TSNAX: variants seen among roughly 807,000 people sequenced by gnomAD.
TSNAX encodes translin-associated protein X.
In TSNAX, 12 loss-of-function variants were observed where a neutral mutation model predicts 33.0. The ratio of observed to expected loss-of-function variants is 0.36; its 90% CI spans 0.23 to 0.59. The LOEUF (loss-of-function observed/expected upper bound fraction) is 0.59, where lower values mean the gene tolerates loss of function less well. TSNAX is among the 20% of genes least tolerant of loss of function. TSNAX has a pLI of 0.74. For synonymous variants in TSNAX, 110 were observed against 117.2 expected (o/e 0.94, Z 0.40); for missense variants, 267 against 341.3 (o/e 0.78, Z 1.72).
rs1200256043 is a variant in TSNAX, at chr1:231,565,876, T to G, written c.*971T>G. 6.6e-6 allele frequency: 1 copy of G among 151,988 alleles called. No individual in the cohort carries two copies. Among genetic ancestry groups the G allele is most frequent in the Non-Finnish European group, 1.5e-5 (1 of 68,020 alleles). 9.4% of individuals were successfully genotyped at this position (151,988 alleles called of 1,614,324 possible). Reference sequence around the variant, plus strand: ...GCCCAGATGTTGCTTTCTCCATTTATTTTTTGTTTTTTTTTAATCACAGTA... The same window carrying G: ...GCCCAGATGTTGCTTTCTCCATTTAGTTTTTGTTTTTTTTTAATCACAGTA... On this transcript the variant is annotated 3_prime_UTR_variant, in exon 6 of 6. Coordinates refer to ENST00000366639, the MANE Select transcript of TSNAX (RefSeq NM_005999.3).
chr1:231,555,371 A>G (rs1302463156), intron 4 of TSNAX, among the ~76,000 whole-genome samples: 1 of 152,142 alleles, frequency 6.6e-6, no homozygotes, highest in Non-Finnish European at 1.5e-5. Context: ...TAGAGACAAG[A>G]AAGTAGAATG....
At chr1:231,528,885 TC>T in intron 1 of TSNAX, 59 bp downstream of exon 1, 1 of 1,608,516 alleles carries the variant, frequency 6.2e-7, no homozygotes, top group Non-Finnish European at 8.5e-7. Context: ...CTCCAGTCTT[TC>T]TATGCAGTTT....
chr1:231,563,810 GT>G, intron 5 of TSNAX, among the ~76,000 whole-genome samples: 1 of 152,108 alleles, frequency 6.6e-6, no homozygotes, highest in Non-Finnish European at 1.5e-5. Flanking sequence ...GTGGTGAAAG[GT>G]TTGAAATTGT....
chr1:231,547,576 A>C (rs1390783478), intron 4 of TSNAX, among the ~76,000 whole-genome samples: 2 of 150,882 alleles, frequency 1.3e-5, no homozygotes, highest in African/African-American at 2.4e-5. Context: ...TTTTTAGTAG[A>C]GGTGGGGTTT....
intron 4 of TSNAX, among the ~76,000 whole-genome samples, chr1:231,553,254 A>C (rs537523912): frequency 6.6e-6 from 1 of 152,326 alleles, no homozygotes; most frequent in South Asian, 2.1e-4. Context: ...TTTTTGATGG[A>C]GATTTGGACT....
chr1:231,547,238 A>G (rs772353826), intron 4 of TSNAX, among the ~76,000 whole-genome samples: 37 of 152,122 alleles, frequency 2.4e-4, no homozygotes, highest in Admixed American at 6.5e-5. Flanking sequence ...CTAATTTTGT[A>G]AATGAGGTGA....
At chr1:231,541,254 A>G (rs1482213051) in intron 3 of TSNAX, among the ~76,000 whole-genome samples, 2 of 152,094 alleles carry the variant, frequency 1.3e-5, no homozygotes, top group Non-Finnish European at 2.9e-5. Context: ...TTCATAATAT[A>G]TATCTTATTG....
intron 4 of TSNAX, among the ~76,000 whole-genome samples, chr1:231,554,273 T>C (rs1660545582): frequency 6.6e-6 from 1 of 152,214 alleles, no homozygotes; most frequent in Non-Finnish European, 1.5e-5. Context: ...TACAACTAGA[T>C]AGTTCTGAAT....
chr1:231,560,520 T>G (rs551070334), intron 4 of TSNAX, among the ~76,000 whole-genome samples: 1 of 145,948 alleles, frequency 6.9e-6, no homozygotes, highest in Admixed American at 7.0e-5. Flanking sequence ...GTTCAAGCGA[T>G]TCTCCTGCCT....
chr1:231,536,301 T>C (rs1474190911), intron 2 of TSNAX: 1 of 152,258 alleles, frequency 6.6e-6, no homozygotes, highest in African/African-American at 2.4e-5. Context: ...ATTATGCTTA[T>C]GTATGCAATA....
intron 4 of TSNAX, among the ~76,000 whole-genome samples, chr1:231,545,138 G>A (rs960911843): frequency 6.6e-6 from 1 of 152,168 alleles, no homozygotes; most frequent in African/African-American, 2.4e-5. Flanking sequence ...AAATTTTGCT[G>A]ACAGATATTT....
chr1:231,558,123 A>C (rs1426880382), intron 4 of TSNAX, among the ~76,000 whole-genome samples: 1 of 152,116 alleles, frequency 6.6e-6, no homozygotes, highest in East Asian at 1.9e-4. Context: ...ATCGGCTGGC[A>C]GAGACATTTG....
At chr1:231,544,194 A>C (rs757443625) in intron 4 of TSNAX, among the ~76,000 whole-genome samples, 1 of 152,208 alleles carries the variant, frequency 6.6e-6, no homozygotes, top group African/African-American at 2.4e-5. Flanking sequence ...GTTTCTGGAA[A>C]GTGCTTGAAC....
rs1311562437 is a variant in TSNAX, at chr1:231,564,744, G to A, written c.712G>A (p.Glu238Lys). The A allele has an allele frequency of 1.9e-6, 3 of 1,614,106 alleles. No homozygotes were observed. The highest frequency in any genetic ancestry group is 2.5e-6 in the Non-Finnish European group (3 of 1,180,022). The change falls in exon 6 of 6, where the codon GAG (glutamate) becomes AAG (lysine). Residue 238 changes from glutamate (E) to lysine (K), a missense_variant. Glu to Lys is a moderately conservative substitution (Grantham distance 56). Transcript: ENST00000366639. ...ATTCATTGGCAACACTGGACCTTAC[G>A]AGGTTTCTAAGAAGCTGTATACCTT... ...FSFIGNTGPY[E>K]VSKKLYTLKQ...
At chr1:231,532,664 T>C (rs944324454) in intron 2 of TSNAX, among the ~76,000 whole-genome samples, 3 of 152,164 alleles carry the variant, frequency 2.0e-5, no homozygotes, top group Admixed American at 2.0e-4. Context: ...TGTAACTCTT[T>C]GTTACGTGTC....
At position 231,537,234 on chromosome 1, in the gene TSNAX, C is replaced by T; in HGVS notation, c.143C>T (p.Ala48Val). The T allele has an allele frequency of 1.9e-6, 3 of 1,612,152 alleles. No homozygotes were observed. Among genetic ancestry groups the T allele is most frequent in the Non-Finnish European group, 2.5e-6 (3 of 1,179,276 alleles). Residue 48 changes from alanine to valine, a missense_variant, in exon 3 of 6, where the codon GCA becomes GTA. This residue lies in a region of TSNAX where 200 missense variants were observed against 214.1 expected (regional missense o/e 0.93). Coordinates refer to ENST00000366639, the MANE Select transcript of TSNAX (RefSeq NM_005999.3). ...AFKSFQQELDARHDKYERLVK... is the reference protein window; with the variant it reads ...AFKSFQQELDVRHDKYERLVK... ...TTAGCATTTCAGCAGGAACTTGATG[C>T]AAGGCATGACAAATATGAGAGACTT...
chr1:231,558,974 C>A (rs925685020), intron 4 of TSNAX, among the ~76,000 whole-genome samples: 1 of 151,970 alleles, frequency 6.6e-6, no homozygotes, highest in African/African-American at 2.4e-5. Flanking sequence ...CCAGGGTCAC[C>A]CATTTTCCCT....
At chr1:231,552,584 A>G (rs1384241406) in intron 4 of TSNAX, among the ~76,000 whole-genome samples, 1 of 152,244 alleles carries the variant, frequency 6.6e-6, no homozygotes, top group East Asian at 1.9e-4. Context: ...TGCAGTTTTT[A>G]AAAATTGAGA....
At chr1:231,548,466 A>G (rs1016002972) in intron 4 of TSNAX, among the ~76,000 whole-genome samples, 2 of 152,336 alleles carry the variant, frequency 1.3e-5, no homozygotes, top group South Asian at 4.1e-4. Context: ...AGCTAGAGGC[A>G]GAGAGGTGAG....
Sources: gnomAD v4.1 joint callset for allele counts (sites outside exome capture counted in the v4.1 genomes callset) on GRCh38, gnomAD v4.1.1 for gene constraint, gnomAD v4.1.1 regional missense constraint, MANE v1.5 for transcripts, NCBI Gene and HGNC (gene_info 2026-07-23, HGNC 2026-07-21) for gene names.